Variants in GRAMD1B observed in about 807,000 individuals in gnomAD.
GRAMD1B encodes GRAM domain containing 1B.
In GRAMD1B, 37 loss-of-function variants were observed where a neutral mutation model predicts 99.7. The observed-to-expected ratio is 0.37, with a 90% CI of 0.29 to 0.49. The LOEUF (loss-of-function observed/expected upper bound fraction) is 0.49, where lower values mean the gene tolerates loss of function less well. GRAMD1B is among the 20% of genes least tolerant of loss of function. GRAMD1B has a pLI of 0.98. For synonymous variants in GRAMD1B, 427 were observed against 387.6 expected (o/e 1.10, Z -1.19); for missense variants, 888 against 1,009.2 (o/e 0.88, Z 1.63).
At chr11:123,518,514 AC>A (rs1331257321) in intron 2 of GRAMD1B, among the ~76,000 whole-genome samples, 2 of 152,112 alleles carry the variant, frequency 1.3e-5, no homozygotes, top group Non-Finnish European at 2.9e-5. Context: ...GAGTTTCCTT[AC>A]CCCGAGTTGC....
At chr11:123,397,435 A>G (rs768492791) in intron 1 of GRAMD1B, among the ~76,000 whole-genome samples, 1 of 151,998 alleles carries the variant, frequency 6.6e-6, no homozygotes, top group Admixed American at 6.6e-5. Context: ...AAACAAAACA[A>G]AACAAAAACA....
chr11:123,563,917 C>T (rs1490827619), intron 2 of GRAMD1B, among the ~76,000 whole-genome samples: 3 of 152,188 alleles, frequency 2.0e-5, no homozygotes. Flanking sequence ...GGACCGACCT[C>T]TTACAGTTTT....
At chr11:123,400,624 G>T (rs926328088) in intron 1 of GRAMD1B, among the ~76,000 whole-genome samples, 3 of 152,144 alleles carry the variant, frequency 2.0e-5, no homozygotes, top group Admixed American at 2.0e-4. Context: ...TGCAGAAGTG[G>T]TGAGGGAGCT....
rs1356681673 is a variant in GRAMD1B at position 123,591,469 on chromosome 11, C to T, written c.685-2613C>T. Reference sequence around the variant, plus strand: ...AGGAGAGCCAGCTGCTGCAGTGGTACCTGAAGCAGCTTGGCCATGCACCTG... The same window carrying T: ...AGGAGAGCCAGCTGCTGCAGTGGTATCTGAAGCAGCTTGGCCATGCACCTG... On this transcript the variant is annotated intron_variant, in intron 4 of 19. Coordinates refer to ENST00000635736, the MANE Select transcript of GRAMD1B (RefSeq NM_001387025.1). The surrounding 1 kb of genome is among the most constrained non-coding windows in gnomAD (Gnocchi z 4.7). 7.5e-6 allele frequency: 3 copies of T among 398,910 alleles called. No individual in the cohort carries two copies. The Admixed American group carries it at 1.3e-4, about 18-fold the overall frequency. 24.7% of individuals were successfully genotyped at this position (398,910 alleles called of 1,614,324 possible).
At chr11:123,567,208 G>A (rs1196392522) in intron 2 of GRAMD1B, among the ~76,000 whole-genome samples, 1 of 152,198 alleles carries the variant, frequency 6.6e-6, no homozygotes, top group East Asian at 1.9e-4. Context: ...AAAGGTCCAG[G>A]GAGGCTAGAA....
rs1378104489 is a variant in GRAMD1B, at chr11:123,587,236, C to T, written c.684+2904C>T. On this transcript the variant is annotated intron_variant, in intron 4 of 19. Transcript: ENST00000635736. This position sits in a 1 kb window ranked among gnomAD's most constrained non-coding sequence, Gnocchi z 4.2. Reference sequence around the variant, plus strand: ...CATGCGGAGGCAAGTGGCTGGACCCCAGGGACACAGGGAGAGGCCATAGCA... The same window carrying T: ...CATGCGGAGGCAAGTGGCTGGACCCTAGGGACACAGGGAGAGGCCATAGCA... Among the ~76,000 whole-genome samples, 2 of 152,162 alleles carry T rather than the reference C, an allele frequency of 1.3e-5. No homozygotes were observed. Among genetic ancestry groups the T allele is most frequent in the African/African-American group, 4.8e-5 (2 of 41,436 alleles).
chr11:123,387,264 G>C (rs1482894367), intron 1 of GRAMD1B, among the ~76,000 whole-genome samples: 2 of 152,152 alleles, frequency 1.3e-5, no homozygotes, highest in Admixed American at 6.5e-5. Flanking sequence ...TCCCCAGGAA[G>C]ATTTTTCAGA....
At chr11:123,594,878 C>T (rs769746381) in intron 6 of GRAMD1B, 40 bp downstream of exon 6, 2 of 1,061,642 alleles carry the variant, frequency 1.9e-6, no homozygotes, top group South Asian at 1.2e-5. Context: ...GTCTCCTTGG[C>T]TATGGCTGAG....
At chr11:123,518,606 C>A (rs767122901) in intron 2 of GRAMD1B, among the ~76,000 whole-genome samples, 1 of 152,176 alleles carries the variant, frequency 6.6e-6, no homozygotes, top group Non-Finnish European at 1.5e-5. Context: ...CCTTATAGAG[C>A]GGCTAGCAAT....
At chr11:123,590,152 C>G (rs75415772) in intron 4 of GRAMD1B, among the ~76,000 whole-genome samples, 1,995 of 152,260 alleles carry the variant, frequency 0.013, 29 homozygotes, top group African/African-American at 0.033. Flanking sequence ...CTTGGTCCCC[C>G]TCTTGCTAAT....
At chr11:123,418,003 A>G (rs1275688836) in intron 1 of GRAMD1B, among the ~76,000 whole-genome samples, 4 of 152,090 alleles carry the variant, frequency 2.6e-5, no homozygotes, top group Non-Finnish European at 4.4e-5. Flanking sequence ...GTCCTCAAGC[A>G]GCCCTCCCAC....
intron 1 of GRAMD1B, among the ~76,000 whole-genome samples, chr11:123,401,536 C>T (rs1947661581): frequency 6.6e-6 from 1 of 152,204 alleles, no homozygotes; most frequent in African/African-American, 2.4e-5. Context: ...ATGGAAACAG[C>T]AAGTGTTGCT....
chr11:123,584,137 T>A (rs1052412885), intron 3 of GRAMD1B, among the ~76,000 whole-genome samples, 175 bp from the exon 4 acceptor site: 2 of 151,708 alleles, frequency 1.3e-5, no homozygotes, highest in Non-Finnish European at 2.9e-5. Flanking sequence ...GCCTCCTTTC[T>A]GGAACTGCCT....
intron 2 of GRAMD1B, among the ~76,000 whole-genome samples, chr11:123,503,275 G>A (rs1383090351): frequency 1.3e-5 from 2 of 152,182 alleles, no homozygotes; most frequent in Non-Finnish European, 2.9e-5. Context: ...TCATCTGAAA[G>A]CACAGTGCAA....
intron 1 of GRAMD1B, among the ~76,000 whole-genome samples, chr11:123,457,448 T>C (rs1950211465): frequency 6.6e-6 from 1 of 152,234 alleles, no homozygotes; most frequent in Admixed American, 6.5e-5. Context: ...TCTCAATCTT[T>C]GTGTCTTCCA....
At chr11:123,537,055 G>A (rs576926960) in intron 2 of GRAMD1B, among the ~76,000 whole-genome samples, 11 of 152,218 alleles carry the variant, frequency 7.2e-5, no homozygotes, top group Admixed American at 2.6e-4. Flanking sequence ...TTTCTGCCCC[G>A]TCTTGAATTA....
At chr11:123,425,416 G>C (rs1565490593), upstream of GRAMD1B, among the ~76,000 whole-genome samples, 1 of 152,196 alleles carries the variant, frequency 6.6e-6, no homozygotes, top group Non-Finnish European at 1.5e-5. Flanking sequence ...GAGGACAAGA[G>C]ATGATGTCCT....
chr11:123,559,612 A>G (rs1946489767), intron 2 of GRAMD1B: 1 of 949,882 alleles, frequency 1.1e-6, no homozygotes, highest in Non-Finnish European at 1.3e-6. Flanking sequence ...ATTTCGGTGA[A>G]TGGACAGAGA....
At chr11:123,601,509 A>G (rs1299425287) in intron 8 of GRAMD1B, among the ~76,000 whole-genome samples, 1 of 115,184 alleles carries the variant, frequency 8.7e-6, no homozygotes, top group Non-Finnish European at 1.8e-5. Context: ...CCCAGGATTA[A>G]TTTTTATGTG....
Sources: gnomAD v4.1 joint callset for allele counts (sites outside exome capture counted in the v4.1 genomes callset) on GRCh38, gnomAD v4.1.1 for gene constraint, Gnocchi (gnomAD v3.1) non-coding constraint, MANE v1.5 for transcripts, NCBI Gene and HGNC (gene_info 2026-07-23, HGNC 2026-07-21) for gene names.